IKZF1: variants seen among roughly 807,000 people sequenced by gnomAD.
The protein encoded by IKZF1 is DNA-binding protein Ikaros.
Under a neutral mutation model 51.7 loss-of-function variants are expected in IKZF1, and 10 were observed. The ratio of observed to expected loss-of-function variants is 0.19; its 90% confidence interval spans 0.12 to 0.33. The LOEUF is 0.33. IKZF1 is among the 10% of genes least tolerant of loss of function. The probability of loss-of-function intolerance (pLI) is 1.00; values close to 1 mark genes in which losing one functional copy is unlikely to be tolerated. For missense variants in IKZF1, 484 were observed against 707.5 expected (o/e 0.68, Z 3.58); for synonymous variants, 280 against 282.3 (o/e 0.99, Z 0.08).
At chr7:50,303,907 C>T (rs2153302431), upstream of IKZF1, among the ~76,000 whole-genome samples, 1 of 145,654 alleles carries the variant, frequency 6.9e-6, no homozygotes, top group Admixed American at 6.8e-5. This position sits in a 1 kb window ranked among gnomAD's most constrained non-coding sequence, Gnocchi z 4.7. Context: ...GCGGGTCCCG[C>T]AGCGCCGCGG....
At chr7:50,389,314 A>G (rs975738997) in intron 6 of IKZF1, among the ~76,000 whole-genome samples, 2 of 152,282 alleles carry the variant, frequency 1.3e-5, no homozygotes, top group African/African-American at 4.8e-5. Flanking sequence ...TCACTGACAT[A>G]CTGACACCAT....
intron 3 of IKZF1, among the ~76,000 whole-genome samples, chr7:50,375,593 G>A (rs1029384923): frequency 3.3e-5 from 5 of 152,028 alleles, no homozygotes; most frequent in Non-Finnish European, 7.4e-5. Flanking sequence ...ACTTTCTTTA[G>A]GAAGAAAAAT....
At chr7:50,332,052 G>A (rs934558406) in intron 3 of IKZF1, among the ~76,000 whole-genome samples, 3 of 152,160 alleles carry the variant, frequency 2.0e-5, no homozygotes, top group Non-Finnish European at 2.9e-5. Flanking sequence ...GTTTAAAGCC[G>A]AGGATGCACT....
intron 3 of IKZF1, among the ~76,000 whole-genome samples, chr7:50,335,541 G>C (rs1053719268): frequency 0.02 from 2,970 of 145,606 alleles, 45 homozygotes; most frequent in Non-Finnish European, 0.025. Flanking sequence ...TAGTGTGTAT[G>C]TGTGTATGGG....
intron 3 of IKZF1, among the ~76,000 whole-genome samples, chr7:50,330,658 C>T (rs149007767): frequency 0.26 from 38,913 of 151,962 alleles, 6,573 homozygotes; most frequent in African/African-American, 0.49. Flanking sequence ...TTGTAGTGTA[C>T]AGCATTAAAT....
At chr7:50,393,340 T>C (rs1409896976) in intron 7 of IKZF1, among the ~76,000 whole-genome samples, 1 of 151,964 alleles carries the variant, frequency 6.6e-6, no homozygotes, top group African/African-American at 2.4e-5. Flanking sequence ...TTGTGACACA[T>C]GGGGAAATTG....
At chr7:50,394,528 C>T (rs1816136081) in intron 7 of IKZF1, among the ~76,000 whole-genome samples, 1 of 152,086 alleles carries the variant, frequency 6.6e-6, no homozygotes, top group Non-Finnish European at 1.5e-5. Flanking sequence ...TGACTGGTGG[C>T]CTTGAGCATG....
chr7:50,351,053 C>T (rs775169285), intron 3 of IKZF1, among the ~76,000 whole-genome samples: 16 of 152,182 alleles, frequency 1.1e-4, no homozygotes, highest in Admixed American at 4.6e-4. Context: ...TGTTACCTCT[C>T]GGAATAAAAT....
chr7:50,342,496 A>G (rs955587985), intron 3 of IKZF1, among the ~76,000 whole-genome samples: 50 of 152,246 alleles, frequency 3.3e-4, no homozygotes, highest in African/African-American at 1.2e-3. Flanking sequence ...CCTTGAGGAC[A>G]GGCTGTAAGT....
At chr7:50,327,424 C>T in intron 2 of IKZF1, 1 of 432,550 alleles carries the variant, frequency 2.3e-6, no homozygotes. Flanking sequence ...GATTGTATTT[C>T]TTCCCTTTTG....
chr7:50,369,561 T>C (rs1297231134), intron 3 of IKZF1: 2 of 398,664 alleles, frequency 5.0e-6, no homozygotes, highest in East Asian at 7.1e-5. Flanking sequence ...AGCGGCTACT[T>C]GGTCTTGATG....
intron 5 of IKZF1, among the ~76,000 whole-genome samples, chr7:50,387,053 T>C (rs913190964): frequency 1.3e-5 from 2 of 152,126 alleles, no homozygotes; most frequent in African/African-American, 4.8e-5. Flanking sequence ...TGGCTCGTTT[T>C]CTCCAGTTAA....
At chr7:50,318,136 G>A (rs896888670) in intron 1 of IKZF1, among the ~76,000 whole-genome samples, 1 of 139,540 alleles carries the variant, frequency 7.2e-6, no homozygotes, top group African/African-American at 2.7e-5. Context: ...TGAGACTGCC[G>A]AGCGGCAGGC....
upstream of IKZF1, among the ~76,000 whole-genome samples, chr7:50,303,571 T>G (rs1211668273): frequency 6.6e-6 from 1 of 152,010 alleles, no homozygotes; most frequent in East Asian, 1.9e-4. This position sits in a 1 kb window ranked among gnomAD's most constrained non-coding sequence, Gnocchi z 4.7. Flanking sequence ...GAAAATGAAT[T>G]GCACCTTCCC....
Sources: allele counts gnomAD v4.1 joint callset (sites outside exome capture counted in the v4.1 genomes callset), GRCh38; gene constraint gnomAD v4.1.1; non-coding constraint Gnocchi (gnomAD v3.1); transcripts MANE v1.5; gene names NCBI Gene and HGNC (gene_info 2026-07-23, HGNC 2026-07-21).